Variants in MPZL2 observed in about 807,000 individuals in gnomAD.
MPZL2 encodes myelin protein zero-like protein 2.
MPZL2 carries 32 observed loss-of-function variants against 24.5 expected under a neutral mutation model. The ratio of observed to expected loss-of-function variants is 1.31; its 90% CI spans 0.99 to 1.76. The LOEUF (loss-of-function observed/expected upper bound fraction) is 1.76. Among genes scored for constraint, MPZL2 ranks in the 40% most tolerant of loss-of-function variants. The pLI is 0.00. For missense variants in MPZL2, 304 were observed against 274.9 expected (o/e 1.11, Z -0.75); for synonymous variants, 92 against 97.9 (o/e 0.94, Z 0.36).
chr11:118,261,915 T>C (rs1444892870), intron 3 of MPZL2, among the ~76,000 whole-genome samples: 7 of 152,166 alleles, frequency 4.6e-5, no homozygotes, highest in Non-Finnish European at 8.8e-5. Context: ...AAATGCACAA[T>C]AAACTGATGA....
At position 118,262,957 on chromosome 11, in the gene MPZL2, G is replaced by T; in HGVS notation, c.199C>A (p.Pro67Thr). ...DALTVTWNFR[P>T]LDGGPEQFVF... ...AACTGCTCAGGTCCCCCGTCTAGAGGACGAAAATTCCAGGTCACTGTTAGA... is the reference window on the plus strand; with the variant it reads ...AACTGCTCAGGTCCCCCGTCTAGAGTACGAAAATTCCAGGTCACTGTTAGA... The change falls in exon 2 of 6, where the codon CCT becomes ACT. Residue 67 changes from proline to threonine, a missense_variant. Physicochemically the swap from Pro to Thr is conservative, Grantham distance 38. Transcript: ENST00000278937. 1 of 1,614,136 alleles carries T rather than the reference G, an allele frequency of 6.2e-7. No homozygotes were observed. Among genetic ancestry groups the T allele is most frequent in the East Asian group, 2.2e-5 (1 of 44,886 alleles).
At chr11:118,263,134 G>A (rs1949715339) in intron 1 of MPZL2, 37 bp from the exon 2 acceptor site, 1 of 1,597,386 alleles carries the variant, frequency 6.3e-7, no homozygotes, top group East Asian at 2.2e-5. Context: ...GGTTAACAGG[G>A]GATGTAGTAT....
rs1226562913 is a variant in MPZL2, at chr11:118,253,815, T to C, written c.*1431A>G. 1 of 152,608 alleles carries C rather than the reference T, an allele frequency of 6.6e-6. No individual in the cohort carries two copies. Among genetic ancestry groups the C allele is most frequent in the Non-Finnish European group, 1.5e-5 (1 of 68,004 alleles). 9.5% of individuals were successfully genotyped at this position (152,608 alleles called of 1,614,324 possible). ...AGTATAAAAGGCAGAATGAGACAGATATGTAATGAATTTCAGAACTGAGGT... is the reference window on the plus strand; with the variant it reads ...AGTATAAAAGGCAGAATGAGACAGACATGTAATGAATTTCAGAACTGAGGT... On this transcript the variant is annotated 3_prime_UTR_variant, in exon 6 of 6. Coordinates refer to ENST00000278937, the MANE Select transcript of MPZL2 (RefSeq NM_005797.4).
chr11:118,264,184 G>A lies in MPZL2; in HGVS notation c.-31C>T, dbSNP rs753957293. 31 of 1,609,954 alleles carry A rather than the reference G, an allele frequency of 1.9e-5. No individual in the cohort carries two copies. The highest frequency in any genetic ancestry group is 2.5e-5 in the Non-Finnish European group (29 of 1,176,570). On this transcript the variant is annotated 5_prime_UTR_variant, in exon 1 of 6. Transcript: ENST00000278937. ...AAACCCAGCCTTGGCCCCAGAGACC[G>A]GACGGGGCAGACCGAGGGCTCCAAC...
intron 3 of MPZL2, among the ~76,000 whole-genome samples, chr11:118,262,135 G>T (rs770262901): frequency 2.6e-5 from 4 of 152,150 alleles, no homozygotes; most frequent in African/African-American, 4.8e-5. Context: ...GAACAGACCT[G>T]TTGTAAGCCT....
chr11:118,254,337 A>G lies in MPZL2; in HGVS notation c.*909T>C, dbSNP rs1351353035. Reference sequence around the variant, plus strand: ...TTTTTTCACCAGCCCTGAATTTTCAAACTTGTAATATGCTGTTTCACAATT... The same window carrying G: ...TTTTTTCACCAGCCCTGAATTTTCAGACTTGTAATATGCTGTTTCACAATT... On this transcript the variant is annotated 3_prime_UTR_variant, in exon 6 of 6. Transcript: ENST00000278937. The G allele has an allele frequency of 6.6e-6, 1 of 152,230 alleles. No individual in the cohort carries two copies. Among genetic ancestry groups the G allele is most frequent in the Non-Finnish European group, 1.5e-5 (1 of 68,036 alleles). 9.4% of individuals were successfully genotyped at this position (152,230 alleles called of 1,614,324 possible).
In MPZL2 at chr11:118,262,745, G is replaced by T. The variant is rs912518811; in HGVS notation, c.226-97C>A. The T allele has an allele frequency of 9.1e-4, 1,252 of 1,381,204 alleles. 13 individuals carry two copies. The highest frequency in any genetic ancestry group is 6.1e-4 in the Admixed American group (34 of 55,826). The allele number at this position is 1,381,204 out of a possible 1,614,324, so 85.6% of individuals were successfully genotyped here. ...AAGTGAAACACCAGCAAACCCAACTGTCCTGTCTGCAGCTCTGTCACTTGC... is the reference window on the plus strand; with the variant it reads ...AAGTGAAACACCAGCAAACCCAACTTTCCTGTCTGCAGCTCTGTCACTTGC... On this transcript the variant is annotated intron_variant, in intron 2 of 5. Transcript: ENST00000278937.
rs746725891 is a variant in MPZL2, at chr11:118,263,099, T to G, written c.59-2A>C. ...CCACAGCTGCTATAGGCCAAAGAGC[T>G]GCAATGAAAAAGAAGAAAAAGAAGG... On this transcript the variant is annotated splice_acceptor_variant, in intron 1 of 5. Transcript: ENST00000278937. LOFTEE classifies it high-confidence loss of function. 3.7e-6 allele frequency: 6 copies of G among 1,610,870 alleles called. No individual in the cohort carries two copies. In the South Asian group the frequency reaches 6.6e-5, roughly 18 times the overall value.
chr11:118,261,401 T>C (rs963462836), intron 3 of MPZL2, among the ~76,000 whole-genome samples: 4 of 152,238 alleles, frequency 2.6e-5, no homozygotes, highest in African/African-American at 9.6e-5. Flanking sequence ...TGAGCCTCAG[T>C]TTCCTCATGT....
At chr11:118,262,316 C>T (rs1857607146) in intron 3 of MPZL2, 122 bp downstream of exon 3, 1 of 1,031,600 alleles carries the variant, frequency 9.7e-7, no homozygotes, top group Non-Finnish European at 1.4e-6. Context: ...TTCTGAAGGG[C>T]TAGTCCCTCT....
intron 5 of MPZL2, among the ~76,000 whole-genome samples, chr11:118,255,728 A>G (rs1365479754): frequency 6.6e-6 from 1 of 152,078 alleles, no homozygotes; most frequent in African/African-American, 2.4e-5. Flanking sequence ...CTCCAGTAAG[A>G]ATTTTTCAAA....
In MPZL2 at chr11:118,255,099, G is replaced by A. The variant is rs965077210; in HGVS notation, c.*147C>T. On this transcript the variant is annotated 3_prime_UTR_variant, in exon 6 of 6. Coordinates refer to ENST00000278937, the MANE Select transcript of MPZL2 (RefSeq NM_005797.4). The stretch of plus-strand genomic sequence containing the variant: ...GAGGAGCACTGTGCTGGCTCCAGAG[G>A]GGTGTTGCTTGTCTAGAATCTAATA... 3 of 152,184 alleles carry A rather than the reference G, an allele frequency of 2.0e-5. No individual in the cohort carries two copies. Among genetic ancestry groups the A allele is most frequent in the African/African-American group, 4.8e-5 (2 of 41,430 alleles). The allele number at this position is 152,184 out of a possible 1,614,324, so 9.4% of individuals were successfully genotyped here.
rs531649405 is a variant in MPZL2 at position 118,254,311 on chromosome 11, T to C, written c.*935A>G. The C allele has an allele frequency of 2.0e-5, 3 of 152,338 alleles. No individual in the cohort carries two copies. The South Asian group carries it at 6.2e-4, about 32-fold the overall frequency. The allele number at this position is 152,338 out of a possible 1,614,324, so 9.4% of individuals were successfully genotyped here. A position where few individuals can be genotyped will look rare whatever the true frequency, so the allele number is the denominator to read the frequency against. On this transcript the variant is annotated 3_prime_UTR_variant, in exon 6 of 6. Coordinates refer to ENST00000278937, the MANE Select transcript of MPZL2 (RefSeq NM_005797.4). ...CAAAATTATCATCATTTAGAGTTGA[T>C]TTTTTTCACCAGCCCTGAATTTTCA...
At chr11:118,263,329 C>T in intron 1 of MPZL2, 1 of 473,342 alleles carries the variant, frequency 2.1e-6, no homozygotes, top group Non-Finnish European at 3.7e-6. Context: ...CTTCGCAGTG[C>T]TTTTACTTTC....
chr11:118,264,189 G>C lies in MPZL2; in HGVS notation c.-36C>G, dbSNP rs373989183. On this transcript the variant is annotated 5_prime_UTR_variant, in exon 1 of 6. Transcript: ENST00000278937. Reference sequence around the variant, plus strand: ...CAGCCTTGGCCCCAGAGACCGGACGGGGCAGACCGAGGGCTCCAACACCCT... The same window carrying C: ...CAGCCTTGGCCCCAGAGACCGGACGCGGCAGACCGAGGGCTCCAACACCCT... The C allele has an allele frequency of 1.0e-4, 161 of 1,610,674 alleles. No homozygotes were observed. Among genetic ancestry groups the C allele is most frequent in the Non-Finnish European group, 1.3e-4 (157 of 1,177,298 alleles).
At chr11:118,260,971 G>A (rs1166393782) in intron 3 of MPZL2, among the ~76,000 whole-genome samples, 1 of 152,198 alleles carries the variant, frequency 6.6e-6, no homozygotes, top group Non-Finnish European at 1.5e-5. Flanking sequence ...CCATGAAGGA[G>A]GATGGGGAAG....
At chr11:118,255,792 A>C in intron 5 of MPZL2, among the ~76,000 whole-genome samples, 1 of 152,320 alleles carries the variant, frequency 6.6e-6, no homozygotes, top group South Asian at 2.1e-4. Context: ...AATACAAACT[A>C]ACAATAATTC....
intron 4 of MPZL2, among the ~76,000 whole-genome samples, chr11:118,258,850 A>C (rs570745012): frequency 6.6e-6 from 1 of 152,226 alleles, no homozygotes; most frequent in South Asian, 2.1e-4. Flanking sequence ...GCCTTCTGCC[A>C]TCGGTAAAAG....
At chr11:118,259,918 T>C in intron 4 of MPZL2, 136 bp downstream of exon 4, 2 of 1,006,818 alleles carry the variant, frequency 2.0e-6, no homozygotes, top group Non-Finnish European at 2.9e-6. Flanking sequence ...GATTTATCTG[T>C]CCTGCAAATG....
Sources: gnomAD v4.1 joint callset for allele counts (sites outside exome capture counted in the v4.1 genomes callset) on GRCh38, gnomAD v4.1.1 for gene constraint, MANE v1.5 for transcripts, NCBI Gene and HGNC (gene_info 2026-07-23, HGNC 2026-07-21) for gene names.